Variants in DCLK1 observed in about 807,000 individuals in gnomAD.
DCLK1 encodes serine/threonine-protein kinase DCLK1.
A neutral mutation model predicts 86.2 loss-of-function variants in DCLK1; 16 were observed. The observed-to-expected ratio is 0.19, with a 90% CI of 0.13 to 0.28. DCLK1 has a LOEUF of 0.28. DCLK1 is among the 10% of genes least tolerant of loss of function. The pLI, the probability that DCLK1 is intolerant of heterozygous loss-of-function variation, is 1.00. For synonymous variants in DCLK1, 369 were observed against 370.5 expected, an observed-to-expected ratio of 1.00 and a Z score of 0.05; for missense variants, 590 against 940.2, an observed-to-expected ratio of 0.63 and a Z score of 4.87.
intron 3 of DCLK1, among the ~76,000 whole-genome samples, chr13:36,091,105 G>C (rs963354889): frequency 1.3e-5 from 2 of 152,186 alleles, no homozygotes; most frequent in Non-Finnish European, 2.9e-5. Context: ...CAGATGGGTA[G>C]ATTGTAAAAA....
intron 3 of DCLK1, among the ~76,000 whole-genome samples, chr13:35,975,629 G>A (rs1879293419): frequency 1.3e-5 from 2 of 151,914 alleles, no homozygotes; most frequent in Admixed American, 6.6e-5. Flanking sequence ...AAAGGAGGAG[G>A]CACGACTGTG....
chr13:36,070,304 C>T (rs1294145867), intron 3 of DCLK1, among the ~76,000 whole-genome samples: 1 of 152,132 alleles, frequency 6.6e-6, no homozygotes, highest in Non-Finnish European at 1.5e-5. Flanking sequence ...CTGAGAATTA[C>T]AAGCAACAAA....
chr13:35,908,233 T>C (rs1874794586), intron 4 of DCLK1, among the ~76,000 whole-genome samples: 4 of 152,212 alleles, frequency 2.6e-5, no homozygotes, highest in African/African-American at 9.6e-5. Flanking sequence ...TGTATTAGTA[T>C]AAAAGATCTA....
At chr13:35,876,353 AAAC>A (rs1025685408) in intron 4 of DCLK1, among the ~76,000 whole-genome samples, 4 of 152,220 alleles carry the variant, frequency 2.6e-5, no homozygotes, top group African/African-American at 4.8e-5. Flanking sequence ...ACAAAAACAG[AAAC>A]AACAACAACA....
intron 3 of DCLK1, among the ~76,000 whole-genome samples, chr13:36,011,599 T>C (rs951021081): frequency 1.1e-4 from 16 of 151,632 alleles, no homozygotes; most frequent in Non-Finnish European, 1.5e-5. Context: ...AGATAGTTTG[T>C]TATAATTTCT....
intron 4 of DCLK1, among the ~76,000 whole-genome samples, chr13:35,905,886 C>A (rs1465195792): frequency 6.6e-6 from 1 of 151,850 alleles, no homozygotes; most frequent in African/African-American, 2.4e-5. Flanking sequence ...TGATACTCAT[C>A]CCATCTGAAG....
At chr13:36,057,612 T>C (rs917892861) in intron 3 of DCLK1, among the ~76,000 whole-genome samples, 1 of 152,216 alleles carries the variant, frequency 6.6e-6, no homozygotes, top group Non-Finnish European at 1.5e-5. Flanking sequence ...CCTTGTTTTG[T>C]GTGAGACACC....
intron 6 of DCLK1, among the ~76,000 whole-genome samples, chr13:35,851,977 G>C (rs183710709): frequency 6.7e-6 from 1 of 148,376 alleles, no homozygotes; most frequent in African/African-American, 2.5e-5. Context: ...CAAGGCGCGC[G>C]TGTGTGCATG....
intron 10 of DCLK1, among the ~76,000 whole-genome samples, chr13:35,826,565 A>AGGAAGGAAGGAAGGAAGGAAG (rs1416411469): frequency 1.5e-5 from 1 of 68,900 alleles, no homozygotes; most frequent in Non-Finnish European, 3.8e-5. Context: ...GAAAGAAACA[A>AGGAAGGAAGGAAGGAAGGAAG]GTCCTAATTT....
intron 3 of DCLK1, among the ~76,000 whole-genome samples, chr13:35,980,550 C>T (rs1422096146): frequency 6.6e-6 from 1 of 151,940 alleles, no homozygotes; most frequent in Admixed American, 6.6e-5. Flanking sequence ...AGAAGTAGCC[C>T]CTTCTACTTT....
chr13:35,971,496 C>T (rs1005622086), intron 3 of DCLK1, among the ~76,000 whole-genome samples: 2 of 152,210 alleles, frequency 1.3e-5, no homozygotes, highest in Non-Finnish European at 2.9e-5. Flanking sequence ...GGTGCAGTGG[C>T]TCACGCTTGT....
intron 3 of DCLK1, among the ~76,000 whole-genome samples, chr13:35,988,141 A>G (rs1319907775): frequency 6.6e-6 from 1 of 151,736 alleles, no homozygotes; most frequent in East Asian, 1.9e-4. Context: ...CCTCCCTCCA[A>G]CCCTGAGTGG....
At chr13:35,848,428 A>G in intron 6 of DCLK1, 1 of 985,340 alleles carries the variant, frequency 1.0e-6, no homozygotes, top group Non-Finnish European at 1.2e-6. Context: ...ACTTTCAAAA[A>G]GTAAATGATA....
At chr13:36,066,187 C>T (rs1883745847) in intron 3 of DCLK1, among the ~76,000 whole-genome samples, 1 of 152,150 alleles carries the variant, frequency 6.6e-6, no homozygotes, top group South Asian at 2.1e-4. Flanking sequence ...CCTGCAAGAT[C>T]AGGCACCTGA....
chr13:35,816,118 G>A (rs1175810889), intron 11 of DCLK1, among the ~76,000 whole-genome samples: 1 of 152,132 alleles, frequency 6.6e-6, no homozygotes, highest in Admixed American at 6.6e-5. Flanking sequence ...ATTCTGTTAG[G>A]AATTATACAT....
chr13:35,905,416 C>G (rs1315937789), intron 4 of DCLK1, among the ~76,000 whole-genome samples: 1 of 152,214 alleles, frequency 6.6e-6, no homozygotes, highest in African/African-American at 2.4e-5. Context: ...AGATCCCACC[C>G]TATCCCAGGA....
At chr13:35,852,634 T>C (rs758497272) in intron 6 of DCLK1, among the ~76,000 whole-genome samples, 16 of 152,186 alleles carry the variant, frequency 1.1e-4, no homozygotes, top group Admixed American at 7.9e-4. Flanking sequence ...GAAATGTTAA[T>C]TATATAAGCC....
intron 16 of DCLK1, among the ~76,000 whole-genome samples, chr13:35,783,021 G>A (rs947366944): frequency 6.6e-6 from 1 of 152,284 alleles, no homozygotes; most frequent in African/African-American, 2.4e-5. Flanking sequence ...AAGTGGGCTA[G>A]ATTTGGCCCA....
At chr13:35,798,396 T>C (rs988667409) in intron 15 of DCLK1, among the ~76,000 whole-genome samples, 13 of 152,250 alleles carry the variant, frequency 8.5e-5, no homozygotes, top group Admixed American at 2.0e-4. Flanking sequence ...CCATTATTAA[T>C]ATCTGTAAAC....
Sources: allele counts gnomAD v4.1 joint callset (sites outside exome capture counted in the v4.1 genomes callset), GRCh38; gene constraint gnomAD v4.1.1; transcripts MANE v1.5; gene names NCBI Gene and HGNC (gene_info 2026-07-23, HGNC 2026-07-21).